STK3: variants seen among roughly 807,000 people sequenced by gnomAD.
STK3 encodes the protein serine/threonine-protein kinase 3.
STK3 carries 41 observed loss-of-function variants against 58.0 expected under a neutral mutation model. The ratio of observed to expected loss-of-function variants is 0.71; its 90% confidence interval spans 0.55 to 0.92. The LOEUF is 0.92. Ranked by LOEUF, STK3 falls within the 40% of genes least tolerant of loss-of-function variation. The pLI, the probability that STK3 is intolerant of heterozygous loss-of-function variation, is 0.00. For missense variants in STK3, 479 were observed against 602.7 expected (o/e 0.79, Z 2.15); for synonymous variants, 170 against 191.0 (o/e 0.89, Z 0.91).
intron 6 of STK3, among the ~76,000 whole-genome samples, chr8:98,650,204 C>G (rs889650760): frequency 1.3e-5 from 2 of 152,184 alleles, no homozygotes; most frequent in African/African-American, 2.4e-5. Context: ...AATGTTCATA[C>G]AGATTATTTC....
intron 6 of STK3, among the ~76,000 whole-genome samples, chr8:98,654,890 G>A (rs1299200793): frequency 7.2e-5 from 11 of 152,114 alleles, no homozygotes; most frequent in Non-Finnish European, 1.3e-4. Context: ...AATCAATATC[G>A]TGAAAATGGC....
intron 4 of STK3, among the ~76,000 whole-genome samples, chr8:98,711,846 G>C (rs1382951162): frequency 6.6e-6 from 1 of 152,152 alleles, no homozygotes; most frequent in African/African-American, 2.4e-5. Context: ...ATTCACCAAA[G>C]TTGAAATGAA....
intron 10 of STK3, among the ~76,000 whole-genome samples, chr8:98,501,932 T>G (rs1333451000): frequency 6.6e-6 from 1 of 152,214 alleles, no homozygotes; most frequent in African/African-American, 2.4e-5. Flanking sequence ...TTTTTTCCAA[T>G]TCTGTGAAGA....
Position 98,767,271 on chromosome 8 carries a change from C to A in STK3, c.208G>T (p.Glu70Ter), listed in dbSNP as rs751921239. 9 of 1,610,032 alleles carry A rather than the reference C, an allele frequency of 5.6e-6. No homozygotes were observed. In the Admixed American group the frequency reaches 8.5e-5, roughly 15 times the overall value. ...VESDLQEIIK[E>*]ISIMQQCDSP... ...TCACATTGCTGCATTATGGAAATTT[C>A]TTTGATTATTTCCTGAAGATCTGAT... Residue 70 changes from glutamate to a stop codon, truncating the protein, a stop_gained, in exon 3 of 11, where the codon GAA becomes TAA. Coordinates refer to ENST00000419617, the MANE Select transcript of STK3 (RefSeq NM_006281.4). LOFTEE classifies it high-confidence loss of function.
At chr8:98,457,769 T>A (rs529973478) in intron 10 of STK3, among the ~76,000 whole-genome samples, 2 of 152,284 alleles carry the variant, frequency 1.3e-5, no homozygotes, top group African/African-American at 4.8e-5. Flanking sequence ...TAACATATTA[T>A]ATAAAGCAAA....
chr8:98,535,999 G>A (rs1344733324), intron 9 of STK3, among the ~76,000 whole-genome samples: 1 of 152,140 alleles, frequency 6.6e-6, no homozygotes, highest in Admixed American at 6.5e-5. Flanking sequence ...ACAGAAAGGG[G>A]AGAAGCAGAC....
intron 7 of STK3, among the ~76,000 whole-genome samples, chr8:98,582,297 C>T (rs1474076040): frequency 6.6e-6 from 1 of 151,974 alleles, no homozygotes; most frequent in East Asian, 1.9e-4. Flanking sequence ...CTTTATAAAA[C>T]CCTTCATATA....
chr8:98,889,576 A>G (rs1031228330), intron 1 of STK3, among the ~76,000 whole-genome samples: 1 of 152,170 alleles, frequency 6.6e-6, no homozygotes, highest in African/African-American at 2.4e-5. Context: ...TCTTATCTCC[A>G]GTGTCCTTGG....
intron 1 of STK3, among the ~76,000 whole-genome samples, chr8:98,818,160 A>G (rs2131715740): frequency 6.6e-6 from 1 of 152,308 alleles, no homozygotes; most frequent in South Asian, 2.1e-4. Context: ...GTTACAACTT[A>G]AATATCACCT....
At chr8:98,761,388 G>A (rs1436201176) in intron 3 of STK3, among the ~76,000 whole-genome samples, 1 of 152,034 alleles carries the variant, frequency 6.6e-6, no homozygotes, top group African/African-American at 2.4e-5. Flanking sequence ...GCCTCCCAAA[G>A]TGCAAGGATT....
At chr8:98,501,835 G>C (rs1165048886) in intron 10 of STK3, among the ~76,000 whole-genome samples, 1 of 152,222 alleles carries the variant, frequency 6.6e-6, no homozygotes, top group Non-Finnish European at 1.5e-5. Flanking sequence ...AAGTCAGGTA[G>C]CGTGATGCCT....
intron 7 of STK3, among the ~76,000 whole-genome samples, chr8:98,580,326 A>C (rs1487435177): frequency 1.3e-5 from 2 of 152,188 alleles, no homozygotes; most frequent in Non-Finnish European, 2.9e-5. Flanking sequence ...TAATTTCTTT[A>C]CTATATATAA....
At chr8:98,859,377 C>G (rs571865718) in intron 3 of STK3, among the ~76,000 whole-genome samples, 1 of 152,192 alleles carries the variant, frequency 6.6e-6, no homozygotes, top group Admixed American at 6.5e-5. Context: ...CTAGGCAAAG[C>G]GAAAACAGCA....
At chr8:98,720,974 T>A in intron 4 of STK3, 1 of 482,618 alleles carries the variant, frequency 2.1e-6, no homozygotes, top group Non-Finnish European at 2.7e-6. Flanking sequence ...ACAGAGTACC[T>A]GCCCCAGCTC....
At chr8:98,660,267 G>A (rs749997914) in intron 6 of STK3, among the ~76,000 whole-genome samples, 8 of 152,012 alleles carry the variant, frequency 5.3e-5, no homozygotes, top group Non-Finnish European at 1.0e-4. Context: ...GGGCTGGAGG[G>A]AGGAAGCAAT....
intron 10 of STK3, among the ~76,000 whole-genome samples, chr8:98,520,899 T>G (rs1825310797): frequency 6.6e-6 from 1 of 152,158 alleles, no homozygotes; most frequent in South Asian, 2.1e-4. Flanking sequence ...ACCAAATCAC[T>G]TACGCTGTGC....
downstream of STK3, among the ~76,000 whole-genome samples, chr8:98,400,280 C>T (rs955307058): frequency 3.9e-5 from 6 of 152,174 alleles, no homozygotes; most frequent in African/African-American, 7.2e-5. Flanking sequence ...AGAGCAAGCC[C>T]GTGAGCCCTG....
intron 8 of STK3, among the ~76,000 whole-genome samples, chr8:98,565,471 C>T (rs1038113749): frequency 2.0e-4 from 30 of 152,206 alleles, no homozygotes; most frequent in African/African-American, 7.2e-4. Flanking sequence ...TATTCCATTA[C>T]TTCACCAAAA....
chr8:98,562,585 T>C (rs780790445), intron 8 of STK3, among the ~76,000 whole-genome samples: 13 of 151,786 alleles, frequency 8.6e-5, no homozygotes, highest in Non-Finnish European at 1.8e-4. Context: ...CAGTACAGTG[T>C]ATCATGTGTA....
Sources: allele counts gnomAD v4.1 joint callset (sites outside exome capture counted in the v4.1 genomes callset), GRCh38; gene constraint gnomAD v4.1.1; transcripts MANE v1.5; gene names NCBI Gene and HGNC (gene_info 2026-07-23, HGNC 2026-07-21).